Variants in ZDHHC14 observed in about 807,000 individuals in gnomAD.
ZDHHC14 encodes the protein zDHHC palmitoyltransferase 14, also known as palmitoyltransferase ZDHHC14.
In ZDHHC14, 16 loss-of-function variants were observed where a neutral mutation model predicts 47.7. The ratio of observed to expected loss-of-function variants is 0.34; its 90% CI spans 0.23 to 0.51. The LOEUF is 0.51. ZDHHC14 is among the 20% of genes least tolerant of loss of function. ZDHHC14 has a pLI of 0.97. For synonymous variants in ZDHHC14, 293 were observed against 278.9 expected, an observed-to-expected ratio of 1.05 and a Z score of -0.50; for missense variants, 515 against 662.5, an observed-to-expected ratio of 0.78 and a Z score of 2.44.
intron 1 of ZDHHC14, among the ~76,000 whole-genome samples, chr6:157,395,189 C>A (rs1777495715): frequency 6.6e-6 from 1 of 151,522 alleles, no homozygotes. Context: ...AAGATAAGGT[C>A]TTGCTCTGTC....
At chr6:157,533,534 A>G (rs920258110) in intron 1 of ZDHHC14, among the ~76,000 whole-genome samples, 1 of 152,200 alleles carries the variant, frequency 6.6e-6, no homozygotes, top group African/African-American at 2.4e-5. Flanking sequence ...CACAGGCAAA[A>G]GCCCAGAGGA....
At chr6:157,638,629 A>G (rs781198635) in intron 5 of ZDHHC14, among the ~76,000 whole-genome samples, 1 of 152,240 alleles carries the variant, frequency 6.6e-6, no homozygotes, top group Non-Finnish European at 1.5e-5. Context: ...GACAGGTCAC[A>G]AGGTCGAGAA....
intron 1 of ZDHHC14, among the ~76,000 whole-genome samples, chr6:157,484,128 A>T (rs1321329414): frequency 1.3e-5 from 2 of 151,380 alleles, no homozygotes; most frequent in African/African-American, 4.9e-5. Flanking sequence ...AACAATAGAC[A>T]CTGGGGCCTT....
At chr6:157,657,515 G>T (rs572919222) in intron 8 of ZDHHC14, among the ~76,000 whole-genome samples, 43 of 152,272 alleles carry the variant, frequency 2.8e-4, no homozygotes, top group Admixed American at 1.6e-3. Flanking sequence ...TGCCCAGTGA[G>T]TCTAGGCTCA....
intron 8 of ZDHHC14, among the ~76,000 whole-genome samples, chr6:157,667,483 G>A (rs1778604932): frequency 6.6e-6 from 1 of 152,076 alleles, no homozygotes; most frequent in Admixed American, 6.6e-5. Flanking sequence ...AGAGAAGACG[G>A]AAAAAGGAGA....
intron 8 of ZDHHC14, among the ~76,000 whole-genome samples, chr6:157,669,147 A>C (rs528335779): frequency 2.0e-5 from 3 of 152,342 alleles, no homozygotes; most frequent in Non-Finnish European, 4.4e-5. Context: ...ATCAACCCCA[A>C]CAGGGAACAC....
chr6:157,505,694 G>A (rs989441877), intron 1 of ZDHHC14, among the ~76,000 whole-genome samples: 13 of 152,008 alleles, frequency 8.6e-5, no homozygotes, highest in African/African-American at 2.2e-4. Flanking sequence ...GTGACTTGGC[G>A]AAATGTTTGT....
At chr6:157,621,623 T>C (rs1785190053) in intron 3 of ZDHHC14, among the ~76,000 whole-genome samples, 1 of 152,152 alleles carries the variant, frequency 6.6e-6, no homozygotes, top group Non-Finnish European at 1.5e-5. Context: ...TACCCATGCC[T>C]GGCCACAGGA....
chr6:157,635,770 C>G (rs1183255571), intron 5 of ZDHHC14, among the ~76,000 whole-genome samples: 1 of 152,172 alleles, frequency 6.6e-6, no homozygotes, highest in Non-Finnish European at 1.5e-5. Flanking sequence ...CTGGCCGTGC[C>G]CGGAGCCTGC....
chr6:157,458,801 C>T (rs904271665), intron 1 of ZDHHC14, among the ~76,000 whole-genome samples: 2 of 149,484 alleles, frequency 1.3e-5, no homozygotes, highest in African/African-American at 4.9e-5. Flanking sequence ...TATGTATTTC[C>T]TCAATAACCA....
chr6:157,488,068 C>A (rs1779825939), intron 1 of ZDHHC14, among the ~76,000 whole-genome samples: 2 of 152,158 alleles, frequency 1.3e-5, no homozygotes, highest in African/African-American at 4.8e-5. Flanking sequence ...TCCAAGCCAT[C>A]CCTCCCAGAG....
Position 157,511,199 on chromosome 6 carries a change from C to A in ZDHHC14, c.246-31386C>A, listed in dbSNP as rs535984971. Among the ~76,000 whole-genome samples the A allele has an allele frequency of 4.6e-5, 7 of 152,116 alleles. No homozygotes were observed. In the South Asian group the frequency reaches 1.5e-3, roughly 32 times the overall value. On this transcript the variant is annotated intron_variant, in intron 1 of 8. Coordinates refer to ENST00000359775, the MANE Select transcript of ZDHHC14 (RefSeq NM_024630.3). ...TTACCCACCATTTCCTCTTGGCTGGCGGGCTGCTTATTGCGAAGGTGAGAC... is the reference window on the plus strand; with the variant it reads ...TTACCCACCATTTCCTCTTGGCTGGAGGGCTGCTTATTGCGAAGGTGAGAC...
chr6:157,533,111 C>T lies in ZDHHC14; in HGVS notation c.246-9474C>T, dbSNP rs147554021. On this transcript the variant is annotated intron_variant, in intron 1 of 8. Transcript: ENST00000359775. ...TTTGAAACACAAATAGGATTGTCTC[C>T]GCTGTACTTTGTATCCTGTGTTTTT... 5.9e-5 allele frequency among the ~76,000 whole-genome samples: 9 copies of T among 152,208 alleles called. No homozygotes were observed. The East Asian group carries it at 1.2e-3, about 20-fold the overall frequency.
chr6:157,649,410 G>A lies in ZDHHC14; in HGVS notation c.965+2042G>A, dbSNP rs572044685. On this transcript the variant is annotated intron_variant, in intron 7 of 8. Transcript: ENST00000359775. ...GGACATAGGCCACTCATAGGCTTCC[G>A]GGCTGGCCCCAGGCAGATGTGAGGG... Among the ~76,000 whole-genome samples, 6 of 152,310 alleles carry A rather than the reference G, an allele frequency of 3.9e-5. No homozygotes were observed. In the South Asian group the frequency reaches 6.2e-4, roughly 16 times the overall value.
chr6:157,552,720 C>G (rs1344020834), intron 2 of ZDHHC14, among the ~76,000 whole-genome samples: 2 of 152,158 alleles, frequency 1.3e-5, no homozygotes, highest in Admixed American at 6.5e-5. Flanking sequence ...AGAGCAGAGG[C>G]TGCTGCCTCA....
rs1582953152 is a variant in ZDHHC14 at position 157,567,555 on chromosome 6, C to T, written c.406+24810C>T. ...AACCCGCCGGGCGCCGTGGCTTTTG[C>T]CTGTAATCCCAACACTTTGGGAGGT... On this transcript the variant is annotated intron_variant, in intron 2 of 8. Transcript: ENST00000359775. Among the ~76,000 whole-genome samples, 3 of 152,158 alleles carry T rather than the reference C, an allele frequency of 2.0e-5. No individual in the cohort carries two copies. In the South Asian group the frequency reaches 6.2e-4, roughly 32 times the overall value.
In ZDHHC14 at chr6:157,632,648, C is replaced by T. The variant is rs534503491; in HGVS notation, c.704-186C>T. The T allele has an allele frequency of 7.2e-5, 47 of 652,632 alleles. No homozygotes were observed. The South Asian group carries it at 8.3e-4, about 11-fold the overall frequency. 40.4% of individuals were successfully genotyped at this position (652,632 alleles called of 1,614,324 possible). A position where few individuals can be genotyped will look rare whatever the true frequency, so the allele number is the denominator to read the frequency against. On this transcript the variant is annotated intron_variant, in intron 4 of 8. Coordinates refer to ENST00000359775, the MANE Select transcript of ZDHHC14 (RefSeq NM_024630.3). ...GATGTTGGGCCTAATTATGAATCCTCCATTTTCTTGATGAAAAACTTTAGT... is the reference window on the plus strand; with the variant it reads ...GATGTTGGGCCTAATTATGAATCCTTCATTTTCTTGATGAAAAACTTTAGT...
chr6:157,401,409 G>A (rs886092153), intron 1 of ZDHHC14, among the ~76,000 whole-genome samples: 3 of 152,236 alleles, frequency 2.0e-5, no homozygotes, highest in African/African-American at 7.2e-5. Flanking sequence ...GGGTAGAACT[G>A]GTTAAAATGC....
chr6:157,569,862 G>A (rs933377581), intron 2 of ZDHHC14, among the ~76,000 whole-genome samples: 1 of 151,852 alleles, frequency 6.6e-6, no homozygotes, highest in Admixed American at 6.6e-5. Context: ...TGTCTTCTTT[G>A]TAGTTTCCAA....
Sources: allele counts gnomAD v4.1 joint callset (sites outside exome capture counted in the v4.1 genomes callset), GRCh38; gene constraint gnomAD v4.1.1; transcripts MANE v1.5; gene names NCBI Gene and HGNC (gene_info 2026-07-23, HGNC 2026-07-21).